CCDC102B: variants seen among roughly 807,000 people sequenced by gnomAD.
The protein encoded by CCDC102B is coiled-coil domain-containing protein 102B.
A neutral mutation model predicts 57.4 loss-of-function variants in CCDC102B; 75 were observed. The ratio of observed to expected loss-of-function variants is 1.31; its 90% CI spans 1.08 to 1.58. CCDC102B has a LOEUF of 1.58. Ranked by LOEUF, CCDC102B falls within the 40% of genes most tolerant of loss-of-function variation. The pLI, the probability that CCDC102B is intolerant of heterozygous loss-of-function variation, is 0.00. For missense variants in CCDC102B, 636 were observed against 582.6 expected (o/e 1.09, Z -0.94); for synonymous variants, 206 against 201.9 (o/e 1.02, Z -0.17).
At chr18:68,721,488 C>T (rs2032325786) in intron 2 of CCDC102B, 1 of 152,132 alleles carries the variant, frequency 6.6e-6, no homozygotes, top group Non-Finnish European at 1.5e-5. Context: ...TCTTCTGAAT[C>T]TGGCTTCTTT....
At chr18:68,718,667 T>C (rs1407662113) in intron 2 of CCDC102B, among the ~76,000 whole-genome samples, 3 of 152,306 alleles carry the variant, frequency 2.0e-5, no homozygotes, top group Admixed American at 1.3e-4. Flanking sequence ...TGGATAGATA[T>C]TATAGTTTTA....
intron 6 of CCDC102B, among the ~76,000 whole-genome samples, chr18:68,913,343 T>TGTGTGTGTGG (rs1456607936): frequency 3.3e-5 from 5 of 151,352 alleles, no homozygotes; most frequent in African/African-American, 1.2e-4. Context: ...TGTGTGTGTG[T>TGTGTGTGTGG]GGTCCTACTT....
intron 6 of CCDC102B, among the ~76,000 whole-genome samples, chr18:68,945,400 GT>G (rs2049510896): frequency 6.6e-6 from 1 of 151,960 alleles, no homozygotes. Flanking sequence ...CATATAAAAT[GT>G]GATTTGCTTA....
intron 7 of CCDC102B, among the ~76,000 whole-genome samples, chr18:69,046,900 A>T (rs1013665299): frequency 6.6e-6 from 1 of 152,008 alleles, no homozygotes. Flanking sequence ...AACATCAGAT[A>T]GTTATATGCA....
At chr18:68,868,927 G>A (rs2039120487) in intron 4 of CCDC102B, among the ~76,000 whole-genome samples, 1 of 152,138 alleles carries the variant, frequency 6.6e-6, no homozygotes, top group Non-Finnish European at 1.5e-5. Flanking sequence ...GAGGAGGTAT[G>A]TGGATAGCTG....
At chr18:68,897,165 T>C in intron 5 of CCDC102B, 54 bp from the exon 6 acceptor site, 1 of 1,416,758 alleles carries the variant, frequency 7.1e-7, no homozygotes, top group Non-Finnish European at 9.8e-7. Context: ...GGTGGCATTA[T>C]CTTTTGGCAA....
intron 6 of CCDC102B, among the ~76,000 whole-genome samples, chr18:68,972,645 T>C (rs952984726): frequency 6.6e-6 from 1 of 152,172 alleles, no homozygotes; most frequent in Admixed American, 6.6e-5. Context: ...TGAATTTTAG[T>C]TTTAGGAATC....
chr18:68,776,499 A>G (rs2034821367), intron 2 of CCDC102B, among the ~76,000 whole-genome samples: 1 of 152,200 alleles, frequency 6.6e-6, no homozygotes, highest in Non-Finnish European at 1.5e-5. Flanking sequence ...AAAGAATGAG[A>G]TCATGTCCTT....
intron 6 of CCDC102B, among the ~76,000 whole-genome samples, chr18:68,922,805 T>C (rs1256010305): frequency 2.7e-5 from 4 of 145,756 alleles, no homozygotes; most frequent in African/African-American, 4.9e-5. Flanking sequence ...AAGGTTCCCA[T>C]TGGGGGAAAG....
At chr18:69,006,585 C>CTT (rs200615759) in intron 6 of CCDC102B, among the ~76,000 whole-genome samples, 3 of 134,268 alleles carry the variant, frequency 2.2e-5, no homozygotes, top group East Asian at 2.2e-4. Flanking sequence ...CCACACAGGG[C>CTT]TTTTTTTTTT....
chr18:68,810,684 T>TA (rs35870815), intron 1 of CCDC102B, among the ~76,000 whole-genome samples: 3,569 of 35,006 alleles, frequency 0.1, 214 homozygotes, highest in African/African-American at 0.31. Flanking sequence ...TTCTTTGTTT[T>TA]TTTTTTTTTT....
intron 6 of CCDC102B, among the ~76,000 whole-genome samples, chr18:68,976,801 C>T (rs1039204441): frequency 5.9e-5 from 9 of 151,678 alleles, no homozygotes; most frequent in Non-Finnish European, 1.2e-4. Flanking sequence ...TTCAAAATTT[C>T]CTTGGCCTTT....
intron 5 of CCDC102B, among the ~76,000 whole-genome samples, chr18:68,875,881 C>T (rs1444693952): frequency 1.3e-5 from 2 of 152,126 alleles, no homozygotes; most frequent in Non-Finnish European, 2.9e-5. Flanking sequence ...TGTTCCTCCT[C>T]ATCACATCAA....
At chr18:68,760,191 C>T (rs540450359) in intron 2 of CCDC102B, among the ~76,000 whole-genome samples, 2 of 152,150 alleles carry the variant, frequency 1.3e-5, no homozygotes, top group South Asian at 4.2e-4. Context: ...ACATGAATTA[C>T]CTTCTTAAAA....
chr18:68,782,294 C>T (rs747542496), intron 2 of CCDC102B, among the ~76,000 whole-genome samples: 1 of 152,170 alleles, frequency 6.6e-6, no homozygotes, highest in South Asian at 2.1e-4. Flanking sequence ...CTATACACCT[C>T]TTTGTCCTTG....
chr18:68,833,411 T>G (rs2037229987), intron 1 of CCDC102B, among the ~76,000 whole-genome samples: 1 of 150,624 alleles, frequency 6.6e-6, no homozygotes, highest in African/African-American at 2.4e-5. Flanking sequence ...AAGTACACCA[T>G]TTCTCTTTCA....
At chr18:68,905,580 G>A (rs1426277107) in intron 6 of CCDC102B, among the ~76,000 whole-genome samples, 1 of 32,806 alleles carries the variant, frequency 3.0e-5, no homozygotes, top group Non-Finnish European at 6.4e-5. Context: ...CAATGTTATG[G>A]GACCGCCCTG....
intron 2 of CCDC102B, among the ~76,000 whole-genome samples, chr18:68,763,339 A>G (rs774375848): frequency 1.3e-5 from 2 of 152,138 alleles, no homozygotes; most frequent in Non-Finnish European, 2.9e-5. Flanking sequence ...AAAATAAGCT[A>G]GATGGAGTTA....
intron 7 of CCDC102B, among the ~76,000 whole-genome samples, chr18:69,032,326 G>A (rs1320044792): frequency 2.6e-5 from 4 of 152,128 alleles, no homozygotes; most frequent in African/African-American, 9.7e-5. Context: ...AGAGGAAAGT[G>A]GGAAATAATG....
Sources: gnomAD v4.1 joint callset for allele counts (sites outside exome capture counted in the v4.1 genomes callset) on GRCh38, gnomAD v4.1.1 for gene constraint, MANE v1.5 for transcripts, NCBI Gene and HGNC (gene_info 2026-07-23, HGNC 2026-07-21) for gene names.